The following DDX10 variants were observed in gnomAD, a reference collection of about 807,000 sequenced individuals.
DDX10 encodes probable ATP-dependent RNA helicase DDX10.
Under a neutral mutation model 104.3 loss-of-function variants are expected in DDX10, and 74 were observed. The observed-to-expected ratio is 0.71, with a 90% CI of 0.59 to 0.86. DDX10 has a LOEUF of 0.86. DDX10 is among the 40% of genes least tolerant of loss of function. The pLI, the probability that DDX10 is intolerant of heterozygous loss-of-function variation, is 0.00. For missense variants in DDX10, 952 were observed against 1,040.0 expected (o/e 0.92, Z 1.16); for synonymous variants, 351 against 353.4 (o/e 0.99, Z 0.08).
chr11:108,856,755 T>A (rs1470628160), intron 16 of DDX10, among the ~76,000 whole-genome samples: 3 of 152,166 alleles, frequency 2.0e-5, no homozygotes, highest in African/African-American at 7.2e-5. Flanking sequence ...TTTTGAGCTT[T>A]TTCTGATCCA....
At chr11:108,889,223 G>A (rs1863342170) in intron 16 of DDX10, among the ~76,000 whole-genome samples, 1 of 152,002 alleles carries the variant, frequency 6.6e-6, no homozygotes, top group South Asian at 2.1e-4. Context: ...AACACATATT[G>A]CTTCTTTCAT....
intron 1 of DDX10, among the ~76,000 whole-genome samples, chr11:108,672,477 A>G (rs2094218405): frequency 6.6e-6 from 1 of 152,218 alleles, no homozygotes; most frequent in Admixed American, 6.5e-5. Context: ...CCTCCTTTCC[A>G]GTGATATCTG....
chr11:108,681,580 A>G (rs879454155), intron 6 of DDX10, among the ~76,000 whole-genome samples: 4 of 152,140 alleles, frequency 2.6e-5, no homozygotes, highest in Non-Finnish European at 4.4e-5. Flanking sequence ...GAGAGTATCT[A>G]CTCTCAAATT....
At chr11:108,709,707 TA>T (rs1169709799) in intron 10 of DDX10, among the ~76,000 whole-genome samples, 1 of 152,216 alleles carries the variant, frequency 6.6e-6, no homozygotes, top group African/African-American at 2.4e-5. Context: ...TTTAGTTGTT[TA>T]TTTTTTTCAA....
intron 17 of DDX10, chr11:108,929,621 A>G (rs1043690738): frequency 6.6e-6 from 1 of 152,208 alleles, no homozygotes; most frequent in Non-Finnish European, 1.5e-5. Context: ...GCAACTCATT[A>G]GAAAGGAGTG....
At chr11:108,726,184 T>C (rs1031734411) in intron 13 of DDX10, among the ~76,000 whole-genome samples, 14 of 152,066 alleles carry the variant, frequency 9.2e-5, no homozygotes, top group African/African-American at 1.2e-4. Context: ...TCAACTGATA[T>C]ATATTTTCTT....
At chr11:108,826,823 C>T (rs2134582902) in intron 13 of DDX10, among the ~76,000 whole-genome samples, 1 of 152,256 alleles carries the variant, frequency 6.6e-6, no homozygotes, top group East Asian at 1.9e-4. Context: ...TGGCTTTCAG[C>T]TGCCATGCTC....
chr11:108,695,175 C>T (rs552260788), intron 9 of DDX10, among the ~76,000 whole-genome samples: 53 of 152,206 alleles, frequency 3.5e-4, no homozygotes, highest in African/African-American at 1.2e-3. Context: ...AATAAAGTTT[C>T]AATGTACATT....
chr11:108,811,276 T>C (rs1565286130), intron 13 of DDX10, among the ~76,000 whole-genome samples: 1 of 152,212 alleles, frequency 6.6e-6, no homozygotes, highest in Non-Finnish European at 1.5e-5. Context: ...TGACAAGACC[T>C]GTAAAGTTAA....
At chr11:108,764,701 A>T (rs1196631911) in intron 13 of DDX10, among the ~76,000 whole-genome samples, 1 of 152,114 alleles carries the variant, frequency 6.6e-6, no homozygotes, top group African/African-American at 2.4e-5. Context: ...CAGAATAGCT[A>T]CCCTGATACT....
chr11:108,930,044 C>T (rs1293160155), intron 17 of DDX10, among the ~76,000 whole-genome samples: 1 of 152,186 alleles, frequency 6.6e-6, no homozygotes, highest in Non-Finnish European at 1.5e-5. Flanking sequence ...TTAGAGTTCA[C>T]TTTCGGCATT....
At chr11:108,936,399 T>TA (rs1212291709) in intron 17 of DDX10, among the ~76,000 whole-genome samples, 33 of 152,170 alleles carry the variant, frequency 2.2e-4, no homozygotes, top group Non-Finnish European at 2.9e-4. Flanking sequence ...CTTGTGGAAT[T>TA]AAAAAGAGTA....
At chr11:108,696,813 GGGA>G (rs2094260518) in intron 9 of DDX10, among the ~76,000 whole-genome samples, 1 of 151,976 alleles carries the variant, frequency 6.6e-6, no homozygotes, top group Non-Finnish European at 1.5e-5. Flanking sequence ...GGTATTGATG[GGGA>G]CAGGGCAGAC....
intron 16 of DDX10, among the ~76,000 whole-genome samples, chr11:108,911,746 GA>G (rs1388689247): frequency 6.6e-6 from 1 of 151,624 alleles, no homozygotes; most frequent in Non-Finnish European, 1.5e-5. Context: ...TTTTTTTGTA[GA>G]GATGAGGTTT....
At chr11:108,884,402 C>A (rs751250121) in intron 16 of DDX10, among the ~76,000 whole-genome samples, 3 of 152,194 alleles carry the variant, frequency 2.0e-5, no homozygotes, top group Non-Finnish European at 4.4e-5. Context: ...CATCCGCACT[C>A]TGCCTGCTTC....
At chr11:108,833,372 G>A (rs1214550679) in intron 13 of DDX10, among the ~76,000 whole-genome samples, 1 of 152,118 alleles carries the variant, frequency 6.6e-6, no homozygotes, top group African/African-American at 2.4e-5. Context: ...GTGAAGGCTG[G>A]GAGTCCACCC....
At chr11:108,688,061 T>C (rs2094247121) in intron 6 of DDX10, among the ~76,000 whole-genome samples, 4 of 152,218 alleles carry the variant, frequency 2.6e-5, no homozygotes, top group Non-Finnish European at 5.9e-5. Context: ...CATTCCTTTT[T>C]TACAGTTGCA....
chr11:108,831,206 CCATCCTG>C (rs1384665583), intron 13 of DDX10, among the ~76,000 whole-genome samples: 3 of 151,964 alleles, frequency 2.0e-5, no homozygotes, highest in Non-Finnish European at 4.4e-5. Flanking sequence ...GAGATTGAGA[CCATCCTG>C]GCCAACATGG....
At chr11:108,894,817 C>T (rs764475206) in intron 16 of DDX10, among the ~76,000 whole-genome samples, 1 of 151,868 alleles carries the variant, frequency 6.6e-6, no homozygotes, top group Non-Finnish European at 1.5e-5. Flanking sequence ...TGAGGGCACT[C>T]GGGCATTTTA....
Sources: allele counts gnomAD v4.1 joint callset (sites outside exome capture counted in the v4.1 genomes callset), GRCh38; gene constraint gnomAD v4.1.1; transcripts MANE v1.5; gene names NCBI Gene and HGNC (gene_info 2026-07-23, HGNC 2026-07-21).